The following ADAM23 variants were observed in gnomAD, a reference collection of about 807,000 sequenced individuals.
ADAM23 encodes disintegrin and metalloproteinase domain-containing protein 23.
Under a neutral mutation model 120.1 loss-of-function variants are expected in ADAM23, and 33 were observed. That is an observed-to-expected ratio of 0.27 (90% confidence interval 0.21 to 0.37). ADAM23 has a LOEUF of 0.37. Ranked by LOEUF, ADAM23 falls within the 10% of genes least tolerant of loss-of-function variation. The pLI, the probability that ADAM23 is intolerant of heterozygous loss-of-function variation, is 1.00. For missense variants in ADAM23, 862 were observed against 1,058.2 expected (o/e 0.81, Z 2.57); for synonymous variants, 367 against 375.2 (o/e 0.98, Z 0.25).
intron 23 of ADAM23, 45 bp downstream of exon 23, chr2:206,594,950 A>G: frequency 1.2e-6 from 2 of 1,605,854 alleles, no homozygotes; most frequent in Non-Finnish European, 1.7e-6. Context: ...ATGGTCTGGC[A>G]TGGTCACAGT....
intron 18 of ADAM23, among the ~76,000 whole-genome samples, chr2:206,585,606 G>A (rs1006878119): frequency 2.0e-5 from 3 of 152,146 alleles, no homozygotes; most frequent in Non-Finnish European, 2.9e-5. Flanking sequence ...TAACATAGTC[G>A]TATCTGGTTA....
chr2:206,443,933 TGCGGCCCCCAAC>T lies in ADAM23; in HGVS notation c.76_87del (p.Gln26_Pro29del), dbSNP rs1196749428. The T allele has an allele frequency of 6.4e-6, 8 of 1,240,554 alleles. No individual in the cohort carries two copies. In the Admixed American group the frequency reaches 1.3e-4, roughly 20 times the overall value. The allele number at this position is 1,240,554 out of a possible 1,614,324, so 76.8% of individuals were successfully genotyped here. On this transcript the variant is annotated inframe_deletion, in exon 1 of 26. Coordinates refer to ENST00000264377, the MANE Select transcript of ADAM23 (RefSeq NM_003812.4). ...GGGCTGCAGCCTTGCCGGCGCTTCCTGCGGCCCCCAACGCGGCCCCGCCGGCTCGGTGCCTGC... is the reference window on the plus strand; with the variant it reads ...GGGCTGCAGCCTTGCCGGCGCTTCCTGCGGCCCCGCCGGCTCGGTGCCTGC...
intron 25 of ADAM23, among the ~76,000 whole-genome samples, chr2:206,616,247 T>A (rs1244451655): frequency 6.6e-6 from 1 of 152,214 alleles, no homozygotes; most frequent in Non-Finnish European, 1.5e-5. Context: ...CCTTTTGGTT[T>A]CACATTGGTT....
At chr2:206,474,717 G>A (rs1202872484) in intron 2 of ADAM23, among the ~76,000 whole-genome samples, 1 of 152,060 alleles carries the variant, frequency 6.6e-6, no homozygotes, top group African/African-American at 2.4e-5. Context: ...TGGGACTAGA[G>A]GCATGCACCA....
chr2:206,574,065 G>C (rs1311702557), intron 18 of ADAM23, among the ~76,000 whole-genome samples: 5 of 152,096 alleles, frequency 3.3e-5, no homozygotes, highest in African/African-American at 1.2e-4. Flanking sequence ...ATATAAACTG[G>C]CATGATTTCT....
chr2:206,453,352 A>G (rs1447896333), intron 2 of ADAM23, among the ~76,000 whole-genome samples: 2 of 152,218 alleles, frequency 1.3e-5, no homozygotes, highest in African/African-American at 2.4e-5. Flanking sequence ...TGTCATCTCC[A>G]TCTTTAAGAT....
At chr2:206,512,027 G>A (rs1158352432) in intron 3 of ADAM23, among the ~76,000 whole-genome samples, 5 of 152,150 alleles carry the variant, frequency 3.3e-5, no homozygotes, top group Non-Finnish European at 5.9e-5. Context: ...ATTCACTGAG[G>A]TATTCAACAC....
intron 4 of ADAM23, among the ~76,000 whole-genome samples, chr2:206,538,707 T>C (rs1192096324): frequency 2.0e-5 from 3 of 152,164 alleles, no homozygotes; most frequent in Non-Finnish European, 4.4e-5. Context: ...AAATTAAAAC[T>C]ATTGGTTCTA....
At chr2:206,507,785 G>T (rs1226393524) in intron 3 of ADAM23, among the ~76,000 whole-genome samples, 1 of 152,130 alleles carries the variant, frequency 6.6e-6, no homozygotes, top group Non-Finnish European at 1.5e-5. Context: ...ATGCAAACTT[G>T]CCTTTTAAGT....
intron 6 of ADAM23, among the ~76,000 whole-genome samples, chr2:206,545,782 T>A (rs994768245): frequency 6.6e-6 from 1 of 152,196 alleles, no homozygotes; most frequent in Non-Finnish European, 1.5e-5. Flanking sequence ...GGAAAGATAA[T>A]CTGTGTACAG....
chr2:206,545,328 A>G (rs1368763006), intron 6 of ADAM23, among the ~76,000 whole-genome samples: 1 of 152,090 alleles, frequency 6.6e-6, no homozygotes, highest in Non-Finnish European at 1.5e-5. Flanking sequence ...TCCACTAAAA[A>G]TACAAAAATT....
intron 18 of ADAM23, among the ~76,000 whole-genome samples, chr2:206,582,961 G>A (rs745357063): frequency 1.3e-5 from 2 of 152,110 alleles, no homozygotes; most frequent in Non-Finnish European, 2.9e-5. Context: ...TTTACCTGGT[G>A]CTTCTGTCTC....
intron 3 of ADAM23, among the ~76,000 whole-genome samples, chr2:206,508,055 A>C (rs1260332539): frequency 6.6e-6 from 1 of 151,862 alleles, no homozygotes; most frequent in Non-Finnish European, 1.5e-5. Flanking sequence ...TTTGAGACGG[A>C]GTCTCGCTCT....
At position 206,530,229 on chromosome 2, in the gene ADAM23, T is replaced by C. The variant is rs1697023793; in HGVS notation, c.510-656T>C. Among the ~76,000 whole-genome samples the C allele has an allele frequency of 4.6e-5, 7 of 152,268 alleles. No individual in the cohort carries two copies. In the South Asian group the frequency reaches 1.4e-3, roughly 31 times the overall value. On this transcript the variant is annotated intron_variant, in intron 3 of 25. Transcript: ENST00000264377. ...ATACAGTTTTATTGGAATACAGCCA[T>C]GCTCATTTGTTTACATACTGCCCGT...
At chr2:206,607,991 A>G (rs775425240) in intron 24 of ADAM23, 4 of 452,404 alleles carry the variant, frequency 8.8e-6, no homozygotes, top group South Asian at 6.3e-5. Context: ...TGCAAATCAT[A>G]TCCAAAGCAT....
intron 2 of ADAM23, among the ~76,000 whole-genome samples, chr2:206,469,025 A>T (rs1005955594): frequency 2.6e-5 from 4 of 152,138 alleles, no homozygotes; most frequent in Non-Finnish European, 5.9e-5. Context: ...TCCAAGGGGG[A>T]TGGTGTTAAA....
intron 2 of ADAM23, among the ~76,000 whole-genome samples, chr2:206,455,941 GTCT>G (rs1471693593): frequency 5.9e-5 from 9 of 152,188 alleles, no homozygotes; most frequent in Non-Finnish European, 1.2e-4. Flanking sequence ...ACATTTTCCT[GTCT>G]TCTTCTGAGC....
At chr2:206,447,763 C>G (rs115930513) in intron 2 of ADAM23, among the ~76,000 whole-genome samples, 406 of 151,798 alleles carry the variant, frequency 2.7e-3, no homozygotes, top group Middle Eastern at 0.01. Context: ...ACCTTTTTTT[C>G]CCTCTCCTGA....
Position 206,619,360 on chromosome 2 carries a change from G to A in ADAM23, c.*1733G>A, listed in dbSNP as rs1430055341. On this transcript the variant is annotated 3_prime_UTR_variant, in exon 26 of 26. Transcript: ENST00000264377. ...TTTTCTTCTAAATATGGTCAAGATA[G>A]CTTCTGTCACATGTTAAGTAAATAA... 1.3e-5 allele frequency: 2 copies of A among 152,026 alleles called. No homozygotes were observed. Among genetic ancestry groups the A allele is most frequent in the Non-Finnish European group, 2.9e-5 (2 of 68,016 alleles). 9.4% of individuals were successfully genotyped at this position (152,026 alleles called of 1,614,324 possible).
Sources: gnomAD v4.1 joint callset for allele counts (sites outside exome capture counted in the v4.1 genomes callset) on GRCh38, gnomAD v4.1.1 for gene constraint, MANE v1.5 for transcripts, NCBI Gene and HGNC (gene_info 2026-07-23, HGNC 2026-07-21) for gene names.